Variants in ANKMY2 observed in about 807,000 individuals in gnomAD.
The protein encoded by ANKMY2 is ankyrin repeat and MYND domain-containing protein 2.
Under a neutral mutation model 50.4 loss-of-function variants are expected in ANKMY2, and 36 were observed. That is an observed-to-expected ratio of 0.71 (90% confidence interval 0.55 to 0.94). The LOEUF is 0.94. ANKMY2 is among the 40% of genes least tolerant of loss of function. The pLI is 0.00. For missense variants in ANKMY2, 565 were observed against 524.0 expected, an observed-to-expected ratio of 1.08 and a Z score of -0.76; for synonymous variants, 187 against 178.8, an observed-to-expected ratio of 1.05 and a Z score of -0.36.
chr7:16,645,082 C>G (rs1488411075), intron 1 of ANKMY2, among the ~76,000 whole-genome samples: 1 of 152,124 alleles, frequency 6.6e-6, no homozygotes, highest in East Asian at 1.9e-4. Flanking sequence ...GGCAAAGGAT[C>G]CAGATCATTC....
At position 16,627,101 on chromosome 7, in the gene ANKMY2, G is replaced by A. The variant is rs759068888; in HGVS notation, c.210C>T (p.Ala70=). ...DMCKLLLRHG[A]DVNCHQHEHG... ...GTTCATGCTGATGACAATTTACATC[G>A]GCTCCATGTCGCAGTAGTAATTTGC... The change falls in exon 3 of 10, where the codon GCC becomes GCT. Residue 70 remains alanine (A), a synonymous_variant. Transcript: ENST00000306999. 1.6e-5 allele frequency: 25 copies of A among 1,612,092 alleles called. No homozygotes were observed. The highest frequency in any genetic ancestry group is 3.3e-5 in the Admixed American group (2 of 59,742).
intron 2 of ANKMY2, among the ~76,000 whole-genome samples, chr7:16,633,134 T>G (rs994882428): frequency 2.0e-5 from 3 of 152,062 alleles, no homozygotes; most frequent in African/African-American, 7.2e-5. Flanking sequence ...AAGTTCTTAT[T>G]ATTTTCTAGT....
rs74483790 is a variant in ANKMY2 at position 16,600,737 on chromosome 7, C to G, written c.*24G>C. ...CAGCTTCTTGCAGGGTGAGGATCAT[C>G]CACACTGGCACTTGCTCTGGCTTTT... On this transcript the variant is annotated 3_prime_UTR_variant, in exon 10 of 10. Coordinates refer to ENST00000306999, the MANE Select transcript of ANKMY2 (RefSeq NM_020319.3). 7.2e-4 allele frequency: 1,143 copies of G among 1,583,656 alleles called. 2 individuals carry two copies. The African/African-American group carries it at 0.014, about 19-fold the overall frequency.
chr7:16,604,972 G>T, intron 7 of ANKMY2, 123 bp from the exon 8 acceptor site: 1 of 958,564 alleles, frequency 1.0e-6, no homozygotes, highest in South Asian at 3.2e-5. Context: ...AATCATTAAG[G>T]CTATAGATTA....
At chr7:16,605,674 CTTTTTTTTT>C (rs11307797) in intron 7 of ANKMY2, among the ~76,000 whole-genome samples, 2 of 59,608 alleles carry the variant, frequency 3.4e-5, no homozygotes, top group Non-Finnish European at 6.3e-5. Flanking sequence ...ATTTTTTGTA[CTTTTTTTTT>C]TTTTTTTTTT....
chr7:16,600,923 A>C lies in ANKMY2; in HGVS notation c.1164T>G (p.Ser388=), dbSNP rs140918019. ...EENHGKLDVN[S]NCVNEEQPEA... Reference sequence around the variant, plus strand: ...CTGGTTGCTCTTCATTAACACAGTTAGAATTGACATCAAGTTTGCCGTCTG... The same window carrying C: ...CTGGTTGCTCTTCATTAACACAGTTCGAATTGACATCAAGTTTGCCGTCTG... Residue 388 remains serine, a synonymous_variant, in exon 10 of 10, where the codon TCT becomes TCG. Coordinates refer to ENST00000306999, the MANE Select transcript of ANKMY2 (RefSeq NM_020319.3). 3.8e-5 allele frequency: 61 copies of C among 1,598,016 alleles called. No individual in the cohort carries two copies. Among genetic ancestry groups the C allele is most frequent in the Non-Finnish European group, 5.1e-5 (60 of 1,172,772 alleles).
intron 7 of ANKMY2, among the ~76,000 whole-genome samples, chr7:16,606,794 C>T (rs1781167982): frequency 6.6e-6 from 1 of 152,172 alleles, no homozygotes; most frequent in East Asian, 1.9e-4. Flanking sequence ...AAGTAGCACT[C>T]ATTTTGAAAC....
intron 4 of ANKMY2, among the ~76,000 whole-genome samples, chr7:16,622,001 T>G (rs921986064): frequency 1.3e-5 from 2 of 149,334 alleles, no homozygotes; most frequent in African/African-American, 5.0e-5. Flanking sequence ...ATAAATAAAT[T>G]TCCTATGGTA....
intron 8 of ANKMY2, 147 bp downstream of exon 8, chr7:16,604,574 C>A (rs1410311464): frequency 1.9e-6 from 2 of 1,079,984 alleles, no homozygotes; most frequent in African/African-American, 1.6e-5. Context: ...TTTTCCAAAA[C>A]TACTTTTTAA....
intron 5 of ANKMY2, among the ~76,000 whole-genome samples, chr7:16,611,430 C>A (rs1432127712): frequency 6.6e-6 from 1 of 152,196 alleles, no homozygotes; most frequent in Non-Finnish European, 1.5e-5. Context: ...TATGTATGCA[C>A]AGATTATGCT....
At chr7:16,608,506 G>A (rs1427670863) in intron 7 of ANKMY2, among the ~76,000 whole-genome samples, 2 of 152,112 alleles carry the variant, frequency 1.3e-5, no homozygotes, top group African/African-American at 4.8e-5. Context: ...AAGCCCTGAT[G>A]TTCCACACTG....
At chr7:16,621,504 C>T (rs1456590874) in intron 4 of ANKMY2, among the ~76,000 whole-genome samples, 1 of 151,968 alleles carries the variant, frequency 6.6e-6, no homozygotes, top group Non-Finnish European at 1.5e-5. Flanking sequence ...TCACAATTAG[C>T]TATATATCTG....
chr7:16,611,790 A>C (rs481026), intron 5 of ANKMY2, among the ~76,000 whole-genome samples: 21,034 of 152,040 alleles, frequency 0.14, 1,782 homozygotes, highest in Admixed American at 0.29. Context: ...GGTTTTCTAC[A>C]CTGTTGTGCC....
intron 2 of ANKMY2, among the ~76,000 whole-genome samples, chr7:16,635,323 C>A (rs939696107): frequency 6.6e-6 from 1 of 151,928 alleles, no homozygotes; most frequent in Admixed American, 6.5e-5. Context: ...TGACTAAAAG[C>A]AAATTAATGC....
intron 2 of ANKMY2, 125 bp from the exon 3 acceptor site, chr7:16,627,303 AT>A: frequency 1.8e-6 from 1 of 547,964 alleles, no homozygotes; most frequent in Non-Finnish European, 2.9e-6. Flanking sequence ...TATAATATGT[AT>A]TTTTATATTT....
chr7:16,621,888 G>A (rs2128344065), intron 4 of ANKMY2, among the ~76,000 whole-genome samples: 1 of 152,160 alleles, frequency 6.6e-6, no homozygotes, highest in Admixed American at 6.5e-5. Flanking sequence ...AGAATCGTTT[G>A]AACCCAGGAG....
chr7:16,644,604 C>A, intron 1 of ANKMY2: 1 of 442,832 alleles, frequency 2.3e-6, no homozygotes, highest in Non-Finnish European at 4.6e-6. Context: ...AAAATCACCA[C>A]ATTAATTGCC....
chr7:16,626,535 C>A (rs1425332844), intron 3 of ANKMY2, among the ~76,000 whole-genome samples: 1 of 152,116 alleles, frequency 6.6e-6, no homozygotes, highest in African/African-American at 2.4e-5. Context: ...AAGAGCTGCA[C>A]CAATTACAGA....
intron 2 of ANKMY2, among the ~76,000 whole-genome samples, chr7:16,633,891 CAA>C (rs1443675035): frequency 6.6e-6 from 1 of 152,120 alleles, no homozygotes; most frequent in Non-Finnish European, 1.5e-5. Flanking sequence ...TTATGAACCT[CAA>C]TGCCTATAGC....
Sources: allele counts gnomAD v4.1 joint callset (sites outside exome capture counted in the v4.1 genomes callset), GRCh38; gene constraint gnomAD v4.1.1; transcripts MANE v1.5; gene names NCBI Gene and HGNC (gene_info 2026-07-23, HGNC 2026-07-21).